The following CHODL variants were observed in gnomAD, a reference collection of about 807,000 sequenced individuals.
The protein encoded by CHODL is chondrolectin, also known as transmembrane protein MT75.
Under a neutral mutation model 34.5 loss-of-function variants are expected in CHODL, and 29 were observed. The observed-to-expected ratio is 0.84, with a 90% CI of 0.63 to 1.15. The LOEUF (loss-of-function observed/expected upper bound fraction) is 1.15, where lower values mean the gene tolerates loss of function less well. Among genes scored for constraint, CHODL ranks in the 50% most tolerant of loss-of-function variants. The pLI, the probability that CHODL is intolerant of heterozygous loss-of-function variation, is 0.00. For synonymous variants in CHODL, 125 were observed against 116.1 expected, an observed-to-expected ratio of 1.08 and a Z score of -0.49; for missense variants, 332 against 332.5, an observed-to-expected ratio of 1.00 and a Z score of 0.01.
intron 1 of CHODL, among the ~76,000 whole-genome samples, chr21:17,926,313 A>C (rs2063221794): frequency 6.6e-6 from 1 of 152,084 alleles, no homozygotes; most frequent in South Asian, 2.1e-4. Flanking sequence ...GTCTCAACAC[A>C]CATTGTTTAC....
intron 2 of CHODL, among the ~76,000 whole-genome samples, chr21:18,064,422 A>T (rs1027621800): frequency 2.6e-5 from 4 of 152,260 alleles, no homozygotes; most frequent in African/African-American, 9.6e-5. Flanking sequence ...TTAAACAGGT[A>T]TACTAAGTGT....
At chr21:18,197,756 A>G (rs2073606376) in intron 2 of CHODL, among the ~76,000 whole-genome samples, 1 of 152,210 alleles carries the variant, frequency 6.6e-6, no homozygotes, top group Non-Finnish European at 1.5e-5. Flanking sequence ...TTGAATTCCA[A>G]AACTGGGGTC....
intron 1 of CHODL, among the ~76,000 whole-genome samples, chr21:18,026,440 G>GCCA: frequency 2.6e-4 from 1 of 3,852 alleles, no homozygotes; most frequent in South Asian, 0.013. Flanking sequence ...GTAGGGGTTC[G>GCCA]ACAAGCTTGG....
At chr21:18,170,379 T>C (rs1029022931) in intron 2 of CHODL, among the ~76,000 whole-genome samples, 1 of 152,094 alleles carries the variant, frequency 6.6e-6, no homozygotes, top group African/African-American at 2.4e-5. Context: ...TGTGTGTTGA[T>C]TGGCATATTT....
intron 1 of CHODL, chr21:18,027,763 T>G (rs1348481033): frequency 2.0e-5 from 3 of 152,314 alleles, no homozygotes; most frequent in Non-Finnish European, 4.4e-5. Context: ...AGGTGGGGCT[T>G]TTGGGAGGTA....
At chr21:18,035,417 G>A (rs573751636) in intron 2 of CHODL, among the ~76,000 whole-genome samples, 13 of 151,954 alleles carry the variant, frequency 8.6e-5, no homozygotes, top group Admixed American at 2.6e-4. Context: ...TAAGCAATTC[G>A]AATATCATCT....
chr21:18,046,811 G>A (rs1303720919), intron 2 of CHODL, among the ~76,000 whole-genome samples: 1 of 151,776 alleles, frequency 6.6e-6, no homozygotes, highest in African/African-American at 2.4e-5. Flanking sequence ...TTACTGTTTG[G>A]GGATATCACT....
intron 1 of CHODL, among the ~76,000 whole-genome samples, chr21:17,956,243 G>T (rs1433194775): frequency 8.0e-6 from 1 of 125,688 alleles, no homozygotes; most frequent in Non-Finnish European, 1.8e-5. Context: ...ATTCACATGA[G>T]ATCTGGTCTT....
At chr21:17,954,472 T>C (rs995689171) in intron 1 of CHODL, among the ~76,000 whole-genome samples, 2 of 140,282 alleles carry the variant, frequency 1.4e-5, no homozygotes, top group East Asian at 2.1e-4. Context: ...GTAAAGAAGG[T>C]TGTCCTCTCC....
intron 1 of CHODL, among the ~76,000 whole-genome samples, chr21:17,949,529 C>T (rs939076054): frequency 2.6e-5 from 4 of 152,156 alleles, no homozygotes; most frequent in African/African-American, 7.2e-5. Flanking sequence ...TGAAGTTCCT[C>T]TTCACTTTCA....
At position 18,028,272 on chromosome 21, in the gene CHODL, TTTTCCCCTTCCTTCCTTCCTTC is replaced by T. The variant is rs2064202928; in HGVS notation, c.-45+302_-45+323del. ...CTTTTCCTTTTCTTTTTCTTTTTCC[TTTTCCCCTTCCTTCCTTCCTTC>T]CTTCCTTCCTTCCTTCCTTCCTTCC... is the stretch of plus-strand genomic sequence containing the variant. On this transcript the variant is annotated intron_variant, in intron 2 of 6. Coordinates refer to the CHODL transcript ENST00000400127. 5.7e-5 allele frequency among the ~76,000 whole-genome samples: 4 copies of T among 70,084 alleles called. 1 individual carries two copies. The highest frequency in any genetic ancestry group is 2.5e-4 in the African/African-American group (4 of 16,056). 46.0% of individuals were successfully genotyped at this position (70,084 alleles called of 152,430 possible). A position where few individuals can be genotyped will look rare whatever the true frequency, so the allele number is the denominator to read the frequency against.
intron 1 of CHODL, among the ~76,000 whole-genome samples, chr21:17,976,984 A>G (rs2063668477): frequency 6.6e-6 from 1 of 152,194 alleles, no homozygotes; most frequent in East Asian, 1.9e-4. Flanking sequence ...TCTGCAGCCA[A>G]CTAGCCACAC....
At chr21:18,113,613 C>T (rs1258731289) in intron 2 of CHODL, among the ~76,000 whole-genome samples, 1 of 152,124 alleles carries the variant, frequency 6.6e-6, no homozygotes, top group Non-Finnish European at 1.5e-5. Flanking sequence ...CACTTTTAAA[C>T]AACGAGATCT....
At chr21:18,259,335 C>G (rs576274140) in intron 3 of CHODL, among the ~76,000 whole-genome samples, 2 of 151,358 alleles carry the variant, frequency 1.3e-5, no homozygotes, top group Admixed American at 6.6e-5. Flanking sequence ...TAGAGCAATA[C>G]GAAATCATGA....
chr21:18,101,832 A>G (rs1441045757), intron 2 of CHODL, among the ~76,000 whole-genome samples: 2 of 152,046 alleles, frequency 1.3e-5, no homozygotes, highest in Admixed American at 6.6e-5. Context: ...AGAGAAATAT[A>G]TATTTAGTTT....
At chr21:17,919,440 C>A (rs982373692) in intron 1 of CHODL, among the ~76,000 whole-genome samples, 1 of 152,194 alleles carries the variant, frequency 6.6e-6, no homozygotes, top group African/African-American at 2.4e-5. Context: ...GTTTGGGATT[C>A]CACCCTCTGA....
intron 2 of CHODL, among the ~76,000 whole-genome samples, chr21:18,219,757 C>A (rs1481108082): frequency 6.6e-6 from 1 of 151,160 alleles, no homozygotes; most frequent in African/African-American, 2.4e-5. Flanking sequence ...TTCATTTGCC[C>A]ATTTTTAATT....
At chr21:18,262,336 G>C (rs539573992) in intron 4 of CHODL, among the ~76,000 whole-genome samples, 1 of 152,286 alleles carries the variant, frequency 6.6e-6, no homozygotes, top group Non-Finnish European at 1.5e-5. Context: ...GAACATCATA[G>C]AGTGTACTTG....
At chr21:18,076,239 A>C (rs1430469322) in intron 2 of CHODL, among the ~76,000 whole-genome samples, 4 of 152,158 alleles carry the variant, frequency 2.6e-5, no homozygotes, top group Non-Finnish European at 2.9e-5. Flanking sequence ...CTTCTTAGAG[A>C]ATACCTGAAC....
Sources: gnomAD v4.1 joint callset for allele counts (sites outside exome capture counted in the v4.1 genomes callset) on GRCh38, gnomAD v4.1.1 for gene constraint, MANE v1.5 for transcripts, NCBI Gene and HGNC (gene_info 2026-07-23, HGNC 2026-07-21) for gene names.